Variants in TIA1 observed in about 807,000 individuals in gnomAD.
The protein encoded by TIA1 is cytotoxic granule associated RNA binding protein TIA1.
A neutral mutation model predicts 65.9 loss-of-function variants in TIA1; 23 were observed. The observed-to-expected ratio is 0.35, with a 90% CI of 0.25 to 0.49. TIA1 has a LOEUF of 0.49. Among genes scored for constraint, TIA1 ranks in the 20% least tolerant of loss-of-function variants. The probability of loss-of-function intolerance (pLI) is 0.98; values close to 1 mark genes in which losing one functional copy is unlikely to be tolerated. For missense variants in TIA1, 371 were observed against 477.9 expected, an observed-to-expected ratio of 0.78 and a Z score of 2.09; for synonymous variants, 147 against 149.4, an observed-to-expected ratio of 0.98 and a Z score of 0.12.
intron 11 of TIA1, 117 bp from the exon 12 acceptor site, chr2:70,214,611 G>C (rs1011790807): frequency 1.2e-5 from 7 of 604,302 alleles, no homozygotes; most frequent in Non-Finnish European, 1.7e-5. Context: ...TAAAATGACA[G>C]GATAAACAAG....
chr2:70,221,597 C>T (rs577840208), intron 7 of TIA1, among the ~76,000 whole-genome samples: 2 of 151,970 alleles, frequency 1.3e-5, no homozygotes, highest in African/African-American at 2.4e-5. Flanking sequence ...ATGTTGAGAA[C>T]AGGGAAATCT....
At chr2:70,228,237 T>C in intron 5 of TIA1, 1 of 859,550 alleles carries the variant, frequency 1.2e-6, no homozygotes, top group Non-Finnish European at 1.5e-6. Context: ...AGTGGTACTG[T>C]GAATTATGTA....
intron 7 of TIA1, among the ~76,000 whole-genome samples, chr2:70,223,959 C>T (rs1163723980): frequency 6.6e-6 from 1 of 152,010 alleles, no homozygotes; most frequent in Non-Finnish European, 1.5e-5. Flanking sequence ...CTCACTCTGT[C>T]GCCCAGGCTG....
intron 6 of TIA1, chr2:70,225,121 A>T (rs1234768928): frequency 8.8e-6 from 9 of 1,023,490 alleles, no homozygotes; most frequent in Non-Finnish European, 1.1e-5. Flanking sequence ...ATCAATTTAT[A>T]CCCCCCTTTT....
intron 1 of TIA1, among the ~76,000 whole-genome samples, 189 bp from the exon 2 acceptor site, chr2:70,236,364 T>C (rs1036660920): frequency 2.6e-5 from 4 of 152,054 alleles, no homozygotes; most frequent in African/African-American, 9.7e-5. Flanking sequence ...CACACCCAGC[T>C]AATTTTGTAT....
intron 6 of TIA1, among the ~76,000 whole-genome samples, chr2:70,226,754 T>C (rs1683991586): frequency 6.6e-6 from 1 of 152,188 alleles, no homozygotes; most frequent in Non-Finnish European, 1.5e-5. Flanking sequence ...ATGAAAGCTG[T>C]ACTTATTTTC....
At chr2:70,225,391 ACT>A (rs1573435119) in intron 6 of TIA1, 8 of 1,288,882 alleles carry the variant, frequency 6.2e-6, no homozygotes, top group Non-Finnish European at 7.1e-6. Flanking sequence ...CTTCAGAGAC[ACT>A]CTGCAAAATA....
chr2:70,210,286 C>A lies in TIA1; in HGVS notation c.*2433G>T, dbSNP rs1049354153. The stretch of plus-strand genomic sequence containing the variant: ...TTAATCACCCATTAAGTGTAAATCA[C>A]TTCAGGTTCTTTACAGTACCAGAAA... On this transcript the variant is annotated 3_prime_UTR_variant, in exon 13 of 13. Coordinates refer to ENST00000433529, the MANE Select transcript of TIA1 (RefSeq NM_022173.4). 1.3e-5 allele frequency: 2 copies of A among 152,170 alleles called. No individual in the cohort carries two copies. The highest frequency in any genetic ancestry group is 4.8e-5 in the African/African-American group (2 of 41,440). 9.4% of individuals were successfully genotyped at this position (152,170 alleles called of 1,614,324 possible).
intron 7 of TIA1, 198 bp from the exon 8 acceptor site, chr2:70,217,192 G>C (rs999079930): frequency 3.2e-5 from 13 of 401,248 alleles, no homozygotes; most frequent in Non-Finnish European, 5.3e-5. Flanking sequence ...TATTTTTTCA[G>C]ATAGAGTCTC....
intron 6 of TIA1, chr2:70,224,849 TG>T: frequency 3.1e-6 from 4 of 1,276,878 alleles, no homozygotes; most frequent in Non-Finnish European, 4.0e-6. Context: ...ATATTTATAT[TG>T]TACAGAAATT....
At chr2:70,247,536 G>A (rs1051203639) in intron 1 of TIA1, among the ~76,000 whole-genome samples, 1 of 152,122 alleles carries the variant, frequency 6.6e-6, no homozygotes, top group African/African-American at 2.4e-5. Flanking sequence ...ACAAAGGCAG[G>A]ATCAACTCAT....
intron 7 of TIA1, among the ~76,000 whole-genome samples, chr2:70,219,759 A>G (rs77488754): frequency 0.014 from 862 of 61,456 alleles, 12 homozygotes; most frequent in African/African-American, 0.082. Flanking sequence ...TTTTTTTTTT[A>G]ATGGAGACAG....
intron 7 of TIA1, among the ~76,000 whole-genome samples, chr2:70,220,692 C>T (rs1368089994): frequency 6.6e-6 from 1 of 151,480 alleles, no homozygotes; most frequent in African/African-American, 2.4e-5. Context: ...TACAGCTCCT[C>T]AGGAAAAAAA....
At position 70,244,408 on chromosome 2, in the gene TIA1, A is replaced by G. The variant is rs543359578; in HGVS notation, c.26+3997T>C. Reference sequence around the variant, plus strand: ...TACTACCATATCCCCAGTTCCCAGAAGACGGACAGCCATGTAGTATGCTCT... The same window carrying G: ...TACTACCATATCCCCAGTTCCCAGAGGACGGACAGCCATGTAGTATGCTCT... On this transcript the variant is annotated intron_variant, in intron 1 of 12. Coordinates refer to ENST00000433529, the MANE Select transcript of TIA1 (RefSeq NM_022173.4). Among the ~76,000 whole-genome samples the G allele has an allele frequency of 2.6e-5, 4 of 152,346 alleles. No individual in the cohort carries two copies. In the East Asian group the frequency reaches 5.8e-4, roughly 22 times the overall value.
rs1386451916 is a variant in TIA1 at position 70,238,934 on chromosome 2, A to G, written c.27-2759T>C. The stretch of plus-strand genomic sequence containing the variant: ...AAAAATTAGCGGACATGGTGGCACT[A>G]TGTCCCATGGCATGGTCCCAGCTAC... On this transcript the variant is annotated intron_variant, in intron 1 of 12. Coordinates refer to ENST00000433529, the MANE Select transcript of TIA1 (RefSeq NM_022173.4). Among the ~76,000 whole-genome samples, 3 of 152,028 alleles carry G rather than the reference A, an allele frequency of 2.0e-5. No individual in the cohort carries two copies. The South Asian group carries it at 6.2e-4, about 32-fold the overall frequency.
Position 70,209,687 on chromosome 2 carries a change from G to A in TIA1, c.*3032C>T, listed in dbSNP as rs575940525. On this transcript the variant is annotated 3_prime_UTR_variant, in exon 13 of 13. Transcript: ENST00000433529. The stretch of plus-strand genomic sequence containing the variant: ...ATCCCTGCTCATGCTTAAGATTGAC[G>A]ATTTCGTGAAATAAAGAACATTATT... 1 of 398,274 alleles carries A rather than the reference G, an allele frequency of 2.5e-6. No homozygotes were observed. Among genetic ancestry groups the A allele is most frequent in the South Asian group, 1.3e-4 (1 of 7,848 alleles). 24.7% of individuals were successfully genotyped at this position (398,274 alleles called of 1,614,324 possible).
At position 70,209,912 on chromosome 2, in the gene TIA1, A is replaced by G. The variant is rs1245065479; in HGVS notation, c.*2807T>C. Reference sequence around the variant, plus strand: ...TTCTCAAATGGAATAGAACTATAACACACAAATAAAAGGAAGATGTACAAG... The same window carrying G: ...TTCTCAAATGGAATAGAACTATAACGCACAAATAAAAGGAAGATGTACAAG... On this transcript the variant is annotated 3_prime_UTR_variant, in exon 13 of 13. Transcript: ENST00000433529. 2.5e-6 allele frequency: 1 copy of G among 392,258 alleles called. No homozygotes were observed. The highest frequency in any genetic ancestry group is 4.5e-6 in the Non-Finnish European group (1 of 222,560). 24.3% of individuals were successfully genotyped at this position (392,258 alleles called of 1,614,324 possible). A position where few individuals can be genotyped will look rare whatever the true frequency, so the allele number is the denominator to read the frequency against.
At position 70,230,649 on chromosome 2, in the gene TIA1, T is replaced by C. The variant is rs1311645229; in HGVS notation, c.222+107A>G. On this transcript the variant is annotated intron_variant, in intron 3 of 12. Coordinates refer to ENST00000433529, the MANE Select transcript of TIA1 (RefSeq NM_022173.4). The stretch of plus-strand genomic sequence containing the variant: ...ATTGGGCAACAAGGGCAAAATTTCA[T>C]CTCAAAAAAAAAAAAAAAGTGTTTA... 7 of 783,132 alleles carry C rather than the reference T, an allele frequency of 8.9e-6. No homozygotes were observed. In the African/African-American group the frequency reaches 1.4e-4, roughly 16 times the overall value. 48.5% of individuals were successfully genotyped at this position (783,132 alleles called of 1,614,324 possible).
chr2:70,229,920 AAAGC>A (rs1243773540), intron 3 of TIA1, among the ~76,000 whole-genome samples: 1 of 151,744 alleles, frequency 6.6e-6, no homozygotes, highest in Non-Finnish European at 1.5e-5. Context: ...CCTGGGTGAC[AAAGC>A]AAGATTCCAT....
Sources: allele counts gnomAD v4.1 joint callset (sites outside exome capture counted in the v4.1 genomes callset), GRCh38; gene constraint gnomAD v4.1.1; transcripts MANE v1.5; gene names NCBI Gene and HGNC (gene_info 2026-07-23, HGNC 2026-07-21).